The following SLC13A3 variants were observed in gnomAD, a reference collection of about 807,000 sequenced individuals.
The protein encoded by SLC13A3 is solute carrier family 13 member 3.
A neutral mutation model predicts 59.0 loss-of-function variants in SLC13A3; 40 were observed. The observed-to-expected ratio is 0.68, with a 90% confidence interval of 0.53 to 0.88. The LOEUF (loss-of-function observed/expected upper bound fraction) is 0.88. Ranked by LOEUF, SLC13A3 falls within the 40% of genes least tolerant of loss-of-function variation. The pLI, the probability that SLC13A3 is intolerant of heterozygous loss-of-function variation, is 0.00. For synonymous variants in SLC13A3, 317 were observed against 330.3 expected (o/e 0.96, Z 0.44); for missense variants, 699 against 783.2 (o/e 0.89, Z 1.28).
At chr20:46,612,071 T>TC (rs397700411) in intron 2 of SLC13A3, among the ~76,000 whole-genome samples, 129 of 149,726 alleles carry the variant, frequency 8.6e-4, no homozygotes, top group Middle Eastern at 3.4e-3. Flanking sequence ...TCTCTTTCTT[T>TC]TTTTTCTTTC....
In SLC13A3 at chr20:46,667,963, G is replaced by A. The variant is rs2063070623; in HGVS notation, c.-31+2080C>T. On this transcript the variant is annotated intron_variant, in intron 1 of 12. Coordinates refer to the SLC13A3 transcript ENST00000290317. The stretch of plus-strand genomic sequence containing the variant: ...GTTACTATTGTAATTGTTTTGAGGT[G>A]CCATGAACTGTGCCCATATAAGACG... Among the ~76,000 whole-genome samples, 3 of 152,174 alleles carry A rather than the reference G, an allele frequency of 2.0e-5. No individual in the cohort carries two copies. In the South Asian group the frequency reaches 6.2e-4, roughly 32 times the overall value.
chr20:46,679,319 G>A (rs1448501268), intron 1 of SLC13A3, among the ~76,000 whole-genome samples: 1 of 152,222 alleles, frequency 6.6e-6, no homozygotes, highest in Non-Finnish European at 1.5e-5. Flanking sequence ...CACTTTGGGA[G>A]GCCGAGGCAG....
intron 11 of SLC13A3, among the ~76,000 whole-genome samples, chr20:46,565,323 T>C (rs1297390754): frequency 1.3e-5 from 2 of 152,238 alleles, no homozygotes; most frequent in Non-Finnish European, 2.9e-5. Context: ...TCTATTTTTC[T>C]ATGCTGGTGA....
chr20:46,620,793 A>G (rs888317196), intron 1 of SLC13A3, among the ~76,000 whole-genome samples: 16 of 152,218 alleles, frequency 1.1e-4, no homozygotes, highest in African/African-American at 3.6e-4. Flanking sequence ...CTGACTGGAA[A>G]ATTAAAGCTG....
upstream of SLC13A3, among the ~76,000 whole-genome samples, chr20:46,673,248 G>T (rs1056250903): frequency 2.6e-5 from 4 of 152,090 alleles, no homozygotes; most frequent in African/African-American, 9.7e-5. Flanking sequence ...CTAATTACAG[G>T]GAAGTATGAT....
chr20:46,654,047 A>G (rs918293521), upstream of SLC13A3, among the ~76,000 whole-genome samples: 2 of 152,156 alleles, frequency 1.3e-5, no homozygotes, highest in Non-Finnish European at 2.9e-5. Context: ...CAGAGGCTGC[A>G]CTATTTTACA....
rs570535441 is a variant in SLC13A3, at chr20:46,602,944, C to T, written c.542-2907G>A. ...CTGTAATCCCAGCACTTTGGGAAGCCGAGGTGGGCAGATCACCTGAGGTCG... is the reference window on the plus strand; with the variant it reads ...CTGTAATCCCAGCACTTTGGGAAGCTGAGGTGGGCAGATCACCTGAGGTCG... On this transcript the variant is annotated intron_variant, in intron 3 of 12. Coordinates refer to ENST00000279027, the MANE Select transcript of SLC13A3 (RefSeq NM_022829.6). Among the ~76,000 whole-genome samples, 4 of 152,154 alleles carry T rather than the reference C, an allele frequency of 2.6e-5. No homozygotes were observed. In the South Asian group the frequency reaches 8.3e-4, roughly 32 times the overall value.
intron 1 of SLC13A3, among the ~76,000 whole-genome samples, chr20:46,677,117 T>C (rs2063130750): frequency 6.6e-6 from 1 of 152,224 alleles, no homozygotes. Context: ...TTTCGCCATG[T>C]TGGCCAGACT....
chr20:46,609,182 A>G, intron 3 of SLC13A3: 1 of 1,392,842 alleles, frequency 7.2e-7, no homozygotes, highest in South Asian at 1.7e-5. Context: ...TTTTAAAGTG[A>G]CATGATGTGG....
chr20:46,631,881 C>T (rs530807631), intron 1 of SLC13A3, among the ~76,000 whole-genome samples: 2 of 152,202 alleles, frequency 1.3e-5, no homozygotes, highest in African/African-American at 4.8e-5. Flanking sequence ...TTTCCTACTG[C>T]CCCCCAACTT....
rs971432094 is a variant in SLC13A3, at chr20:46,678,178, G to A, written c.-31+6218C>T. 3.9e-5 allele frequency among the ~76,000 whole-genome samples: 6 copies of A among 152,324 alleles called. No homozygotes were observed. In the East Asian group the frequency reaches 1.2e-3, roughly 29 times the overall value. ...TGGTGGCAGACTTTGGCCAGGCCTT[G>A]AATAGGCTGGGTCTCAGTGCCGGGT... On this transcript the variant is annotated intron_variant, in intron 1 of 6. Transcript: ENST00000372121.
intron 1 of SLC13A3, among the ~76,000 whole-genome samples, chr20:46,618,385 T>TGTCA (rs2062582938): frequency 6.6e-6 from 1 of 152,190 alleles, no homozygotes. Flanking sequence ...AAGGCAGCTG[T>TGTCA]GTCAGCCAGT....
chr20:46,630,264 ATC>A (rs1286162032), intron 1 of SLC13A3, among the ~76,000 whole-genome samples: 3 of 152,190 alleles, frequency 2.0e-5, no homozygotes, highest in Non-Finnish European at 2.9e-5. Flanking sequence ...ACTATCCACA[ATC>A]TCTCTCCCAT....
intron 1 of SLC13A3, among the ~76,000 whole-genome samples, chr20:46,645,215 A>T (rs1274337456): frequency 6.6e-6 from 1 of 152,196 alleles, no homozygotes; most frequent in Non-Finnish European, 1.5e-5. Context: ...TGCCTCTCAG[A>T]AAGCCGCCTG....
At chr20:46,654,181 C>T (rs1003926430), upstream of SLC13A3, among the ~76,000 whole-genome samples, 11 of 152,208 alleles carry the variant, frequency 7.2e-5, no homozygotes, top group Middle Eastern at 3.4e-3. Context: ...TTCTGATGTG[C>T]GTTTCTCTAA....
intron 9 of SLC13A3, chr20:46,583,363 G>A: frequency 7.8e-7 from 1 of 1,279,238 alleles, no homozygotes; most frequent in Non-Finnish European, 9.9e-7. Context: ...GGCTGGATTT[G>A]GTCTGAAGAC....
rs1024076183 is a variant in SLC13A3 at position 46,601,660 on chromosome 20, G to T, written c.542-1623C>A. 5.3e-5 allele frequency among the ~76,000 whole-genome samples: 8 copies of T among 152,208 alleles called. 1 individual carries two copies. In the South Asian group the frequency reaches 6.2e-4, roughly 12 times the overall value. ...AGGCAGGGAAGGAGCCAGGCATCCTGGGGTGAGACACCTTCTTCAAGGCTC... is the reference window on the plus strand; with the variant it reads ...AGGCAGGGAAGGAGCCAGGCATCCTTGGGTGAGACACCTTCTTCAAGGCTC... On this transcript the variant is annotated intron_variant, in intron 3 of 12. Coordinates refer to ENST00000279027, the MANE Select transcript of SLC13A3 (RefSeq NM_022829.6).
intron 11 of SLC13A3, among the ~76,000 whole-genome samples, chr20:46,565,482 C>T (rs2061971593): frequency 6.6e-6 from 1 of 152,082 alleles, no homozygotes; most frequent in Non-Finnish European, 1.5e-5. Flanking sequence ...TGCCACTAAG[C>T]CTGGCTACTT....
At chr20:46,585,379 T>C in intron 8 of SLC13A3, 1 of 998,960 alleles carries the variant, frequency 1.0e-6, no homozygotes, top group Non-Finnish European at 1.2e-6. Flanking sequence ...TTGTTTGAAT[T>C]TTTATGAGTA....
Sources: allele counts gnomAD v4.1 joint callset (sites outside exome capture counted in the v4.1 genomes callset), GRCh38; gene constraint gnomAD v4.1.1; transcripts MANE v1.5; gene names NCBI Gene and HGNC (gene_info 2026-07-23, HGNC 2026-07-21).